TAFA1: variants seen among roughly 807,000 people sequenced by gnomAD.
TAFA1 encodes the protein TAFA chemokine like family member 1.
A neutral mutation model predicts 18.5 loss-of-function variants in TAFA1; 4 were observed. The observed-to-expected ratio is 0.22, with a 90% CI of 0.11 to 0.49. The LOEUF is 0.49. TAFA1 is among the 20% of genes least tolerant of loss of function. The pLI, the probability that TAFA1 is intolerant of heterozygous loss-of-function variation, is 0.98. For synonymous variants in TAFA1, 56 were observed against 55.2 expected, an observed-to-expected ratio of 1.01 and a Z score of -0.06; for missense variants, 147 against 169.0, an observed-to-expected ratio of 0.87 and a Z score of 0.72.
intron 2 of TAFA1, among the ~76,000 whole-genome samples, chr3:68,007,202 T>A (rs1704373231): frequency 6.6e-6 from 1 of 152,246 alleles, no homozygotes; most frequent in African/African-American, 2.4e-5. Flanking sequence ...ATTTCTTGCC[T>A]GGTTTAATGT....
At chr3:68,105,327 C>G (rs1559521880) in intron 2 of TAFA1, among the ~76,000 whole-genome samples, 2 of 152,108 alleles carry the variant, frequency 1.3e-5, no homozygotes, top group Non-Finnish European at 2.9e-5. Context: ...ATAGAGTCCC[C>G]TAACATTTGA....
At chr3:68,055,507 A>C (rs1302892120) in intron 2 of TAFA1, among the ~76,000 whole-genome samples, 1 of 152,030 alleles carries the variant, frequency 6.6e-6, no homozygotes. Context: ...ACAGTTATTA[A>C]ATAATTCTTT....
intron 2 of TAFA1, among the ~76,000 whole-genome samples, chr3:68,107,638 A>G (rs775885183): frequency 1.3e-5 from 2 of 152,148 alleles, no homozygotes; most frequent in Non-Finnish European, 2.9e-5. Context: ...CAAGCGAGCT[A>G]TAGTTGCTAT....
intron 3 of TAFA1, among the ~76,000 whole-genome samples, chr3:68,418,182 G>A (rs1372845992): frequency 6.6e-6 from 1 of 152,264 alleles, no homozygotes; most frequent in Non-Finnish European, 1.5e-5. Flanking sequence ...AACAGGCTTT[G>A]TGTGAGCAAT....
At chr3:68,253,718 G>A (rs1241241863) in intron 2 of TAFA1, among the ~76,000 whole-genome samples, 2 of 152,134 alleles carry the variant, frequency 1.3e-5, no homozygotes, top group Non-Finnish European at 2.9e-5. Context: ...TCATGGGGAG[G>A]ATTTTATCAT....
intron 2 of TAFA1, among the ~76,000 whole-genome samples, chr3:68,381,208 C>T (rs201989851): frequency 0.029 from 4,428 of 150,724 alleles, 88 homozygotes; most frequent in East Asian, 0.091. Flanking sequence ...TAGCATGATG[C>T]CTCCAGCTTT....
chr3:68,252,797 T>G (rs1485717882), intron 2 of TAFA1, among the ~76,000 whole-genome samples: 1 of 152,182 alleles, frequency 6.6e-6, no homozygotes, highest in East Asian at 1.9e-4. Flanking sequence ...CAAATCTCAC[T>G]TTGAATTGTA....
At chr3:68,506,027 T>C (rs1449040598) in intron 3 of TAFA1, among the ~76,000 whole-genome samples, 1 of 152,036 alleles carries the variant, frequency 6.6e-6, no homozygotes, top group Non-Finnish European at 1.5e-5. Flanking sequence ...CTCCTAATGC[T>C]ATCCCTCCCC....
chr3:68,189,517 T>C (rs1348742581), intron 2 of TAFA1, among the ~76,000 whole-genome samples: 2 of 151,886 alleles, frequency 1.3e-5, no homozygotes, highest in African/African-American at 4.8e-5. Flanking sequence ...GCCCATCATC[T>C]TGATTTCATG....
At chr3:68,486,235 C>T (rs1032765928) in intron 3 of TAFA1, among the ~76,000 whole-genome samples, 1 of 151,868 alleles carries the variant, frequency 6.6e-6, no homozygotes, top group African/African-American at 2.4e-5. Context: ...GCTGAGATTA[C>T]AGATGTGGGC....
At chr3:68,300,047 G>A (rs1348816323) in intron 2 of TAFA1, among the ~76,000 whole-genome samples, 1 of 152,226 alleles carries the variant, frequency 6.6e-6, no homozygotes, top group East Asian at 1.9e-4. Context: ...GTCCCCACGG[G>A]GGCACTGTCT....
chr3:68,287,923 T>C (rs1472240445), intron 2 of TAFA1, among the ~76,000 whole-genome samples: 4 of 134,878 alleles, frequency 3.0e-5, no homozygotes, highest in Non-Finnish European at 6.6e-5. Context: ...GTGGGGGGGC[T>C]TTTTGAAAAT....
At chr3:68,299,124 C>T (rs1183418216) in intron 2 of TAFA1, among the ~76,000 whole-genome samples, 1 of 152,158 alleles carries the variant, frequency 6.6e-6, no homozygotes, top group Non-Finnish European at 1.5e-5. Flanking sequence ...TGAGGAACTT[C>T]TTGGGAAGTG....
intron 2 of TAFA1, among the ~76,000 whole-genome samples, chr3:68,283,426 A>T (rs917737649): frequency 3.9e-5 from 6 of 152,238 alleles, no homozygotes; most frequent in African/African-American, 1.4e-4. Flanking sequence ...AAAGATTTTT[A>T]AAGTAATTTA....
intron 2 of TAFA1, among the ~76,000 whole-genome samples, chr3:68,374,268 G>C (rs56297201): frequency 0.03 from 4,633 of 152,194 alleles, 229 homozygotes; most frequent in African/African-American, 0.099. Context: ...AATCCACTGA[G>C]GTTTGGTAGG....
At chr3:68,171,561 C>T (rs1444735729) in intron 2 of TAFA1, among the ~76,000 whole-genome samples, 3 of 152,058 alleles carry the variant, frequency 2.0e-5, no homozygotes, top group African/African-American at 4.8e-5. Flanking sequence ...AAAAAAGAAA[C>T]GTATGGCCCA....
intron 2 of TAFA1, among the ~76,000 whole-genome samples, chr3:68,187,384 C>T: frequency 6.6e-6 from 1 of 151,938 alleles, no homozygotes; most frequent in East Asian, 1.9e-4. Context: ...TCACCTTCAT[C>T]CCTGGCCAAA....
intron 2 of TAFA1, among the ~76,000 whole-genome samples, chr3:68,414,146 A>G (rs555797493): frequency 4.6e-5 from 7 of 152,252 alleles, no homozygotes; most frequent in African/African-American, 1.4e-4. Flanking sequence ...CTCTACTAAC[A>G]ATACAAAAAA....
At chr3:68,042,389 C>T (rs1705183525) in intron 2 of TAFA1, among the ~76,000 whole-genome samples, 1 of 152,160 alleles carries the variant, frequency 6.6e-6, no homozygotes, top group Admixed American at 6.5e-5. Flanking sequence ...GTGGCTCATG[C>T]CTGTAATCCC....
Sources: gnomAD v4.1 joint callset for allele counts (sites outside exome capture counted in the v4.1 genomes callset) on GRCh38, gnomAD v4.1.1 for gene constraint, MANE v1.5 for transcripts, NCBI Gene and HGNC (gene_info 2026-07-23, HGNC 2026-07-21) for gene names.